TGFA: variants seen among roughly 807,000 people sequenced by gnomAD.
The protein encoded by TGFA is transforming growth factor alpha, also known as protransforming growth factor alpha.
A neutral mutation model predicts 21.7 loss-of-function variants in TGFA; 12 were observed. That is an observed-to-expected ratio of 0.55 (90% confidence interval 0.35 to 0.90). The LOEUF (loss-of-function observed/expected upper bound fraction) is 0.90, where lower values mean the gene tolerates loss of function less well. Ranked by LOEUF, TGFA falls within the 40% of genes least tolerant of loss-of-function variation. The pLI is 0.01. For missense variants in TGFA, 178 were observed against 210.8 expected (o/e 0.84, Z 0.96); for synonymous variants, 79 against 88.1 (o/e 0.90, Z 0.58).
intron 2 of TGFA, among the ~76,000 whole-genome samples, chr2:70,510,669 T>C (rs1370302481): frequency 6.6e-6 from 1 of 152,176 alleles, no homozygotes; most frequent in Non-Finnish European, 1.5e-5. Flanking sequence ...CCCACTCAAA[T>C]TGTCTGAGAA....
rs782607559 is a variant in TGFA, at chr2:70,450,695, T to G, written c.*164A>C. 3.8e-5 allele frequency: 27 copies of G among 705,190 alleles called. No individual in the cohort carries two copies. The highest frequency in any genetic ancestry group is 6.6e-5 in the Non-Finnish European group (27 of 407,614). The allele number at this position is 705,190 out of a possible 1,614,324, so 43.7% of individuals were successfully genotyped here. ...ACTGAATAACCCCAAGCAGACGGAG[T>G]TCTTGACAGAGTTTTGAAGGCCCAC... On this transcript the variant is annotated 3_prime_UTR_variant, in exon 6 of 6. Transcript: ENST00000295400.
chr2:70,478,625 A>G (rs1671009570), intron 2 of TGFA, among the ~76,000 whole-genome samples: 1 of 152,236 alleles, frequency 6.6e-6, no homozygotes, highest in African/African-American at 2.4e-5. Flanking sequence ...ACAACTTTTT[A>G]TAACAGCCCC....
intron 2 of TGFA, among the ~76,000 whole-genome samples, chr2:70,471,163 G>A (rs1346064071): frequency 1.4e-5 from 2 of 143,460 alleles, no homozygotes; most frequent in South Asian, 4.3e-4. Context: ...ATTCAAGTTC[G>A]AGGTTCTTTG....
rs543281096 is a variant in TGFA, at chr2:70,522,646, GC to G, written c.41-7735del. Among the ~76,000 whole-genome samples the G allele has an allele frequency of 2.6e-5, 4 of 152,220 alleles. No individual in the cohort carries two copies. The South Asian group carries it at 8.3e-4, about 32-fold the overall frequency. ...GACGAGGTTTCACCATGTTGGCCAG[GC>G]TGGTCTTAAACTCCCGACCTTAAGT... On this transcript the variant is annotated intron_variant, in intron 1 of 5. Transcript: ENST00000295400.
chr2:70,490,689 G>T (rs1439060191), intron 2 of TGFA, among the ~76,000 whole-genome samples: 1 of 152,142 alleles, frequency 6.6e-6, no homozygotes, highest in African/African-American at 2.4e-5. Context: ...GTATGAATTG[G>T]TCTCTCTCTA....
At chr2:70,503,311 A>C (rs1238395704) in intron 2 of TGFA, among the ~76,000 whole-genome samples, 1 of 151,984 alleles carries the variant, frequency 6.6e-6, no homozygotes, top group Non-Finnish European at 1.5e-5. Context: ...GTTCTCAGCA[A>C]ACTATCACAA....
rs1401737650 is a variant in TGFA at position 70,449,958 on chromosome 2, GC to G, written c.*900del. ...GGGACAGATCCCTGCTGATGGATTT[GC>G]TAAGTTTTCTCCCAGAACGTATTGA... is the stretch of plus-strand genomic sequence containing the variant. On this transcript the variant is annotated 3_prime_UTR_variant, in exon 6 of 6. Transcript: ENST00000295400. The G allele has an allele frequency of 1.3e-5, 2 of 152,350 alleles. No homozygotes were observed. The highest frequency in any genetic ancestry group is 1.3e-4 in the Admixed American group (2 of 15,290). 9.4% of individuals were successfully genotyped at this position (152,350 alleles called of 1,614,324 possible).
chr2:70,540,859 C>T (rs1673113518), intron 1 of TGFA, among the ~76,000 whole-genome samples: 1 of 152,056 alleles, frequency 6.6e-6, no homozygotes, highest in Non-Finnish European at 1.5e-5. Flanking sequence ...AAACAGGTAA[C>T]TCACAAGAAA....
chr2:70,505,063 T>C (rs35476422), intron 2 of TGFA, among the ~76,000 whole-genome samples: 16,015 of 152,234 alleles, frequency 0.11, 1,195 homozygotes, highest in Admixed American at 0.23. Context: ...ATATAGGGAG[T>C]ACTCTATAAG....
chr2:70,460,061 G>T (rs1574070224), intron 3 of TGFA, among the ~76,000 whole-genome samples: 1 of 152,162 alleles, frequency 6.6e-6, no homozygotes, highest in Non-Finnish European at 1.5e-5. Flanking sequence ...TTAAAGAAAG[G>T]GCCAAAAGGT....
At chr2:70,467,417 C>T (rs1415159724) in intron 2 of TGFA, 1 of 152,160 alleles carries the variant, frequency 6.6e-6, no homozygotes, top group Non-Finnish European at 1.5e-5. Flanking sequence ...CCCTGGCTTT[C>T]AGACAGGAAT....
Position 70,449,461 on chromosome 2 carries a change from C to A in TGFA, c.*1398G>T, listed in dbSNP as rs1553489234. 1.3e-5 allele frequency: 2 copies of A among 158,868 alleles called. No individual in the cohort carries two copies. Among genetic ancestry groups the A allele is most frequent in the Non-Finnish European group, 2.8e-5 (2 of 70,668 alleles). The allele number at this position is 158,868 out of a possible 1,614,324, so 9.8% of individuals were successfully genotyped here. A position where few individuals can be genotyped will look rare whatever the true frequency, so the allele number is the denominator to read the frequency against. On this transcript the variant is annotated 3_prime_UTR_variant, in exon 6 of 6. Coordinates refer to ENST00000295400, the MANE Select transcript of TGFA (RefSeq NM_003236.4). Reference sequence around the variant, plus strand: ...ATGAAAATTCCTAGGGATGAGCTATCCACTATGTATTTGAAGGGACCCACT... The same window carrying A: ...ATGAAAATTCCTAGGGATGAGCTATACACTATGTATTTGAAGGGACCCACT...
At chr2:70,492,158 A>C in intron 2 of TGFA, among the ~76,000 whole-genome samples, 1 of 152,138 alleles carries the variant, frequency 6.6e-6, no homozygotes, top group Non-Finnish European at 1.5e-5. Context: ...ATATAGACAA[A>C]ACTTTGGGAC....
chr2:70,487,111 TAA>T (rs1328112108), intron 2 of TGFA, among the ~76,000 whole-genome samples: 2 of 152,204 alleles, frequency 1.3e-5, no homozygotes, highest in Non-Finnish European at 2.9e-5. Flanking sequence ...AATACATGTT[TAA>T]GAGAGAAAAC....
intron 1 of TGFA, among the ~76,000 whole-genome samples, chr2:70,527,265 G>A (rs1287018580): frequency 1.3e-5 from 2 of 152,170 alleles, no homozygotes; most frequent in Non-Finnish European, 2.9e-5. Context: ...ATATTATACA[G>A]CAATGAAAAT....
intron 1 of TGFA, among the ~76,000 whole-genome samples, chr2:70,538,019 C>A (rs1553504703): frequency 6.6e-6 from 1 of 152,156 alleles, no homozygotes; most frequent in African/African-American, 2.4e-5. Flanking sequence ...TAGGTTGAAG[C>A]CAATGTTCAT....
In TGFA at chr2:70,546,415, A is replaced by G. The variant is rs115323338; in HGVS notation, c.40+7313T>C. 6.3e-3 allele frequency among the ~76,000 whole-genome samples: 966 copies of G among 152,226 alleles called. 12 individuals are homozygous for G. The highest frequency in any genetic ancestry group is 0.022 in the African/African-American group (925 of 41,526). The stretch of plus-strand genomic sequence containing the variant: ...TGGGGTACAATTCATTGTTACCCAG[A>G]TAGTAAGAATGGTGCCCAATAGACA... On this transcript the variant is annotated intron_variant, in intron 1 of 5. Coordinates refer to ENST00000295400, the MANE Select transcript of TGFA (RefSeq NM_003236.4).
chr2:70,537,232 C>G (rs1673000102), intron 1 of TGFA, among the ~76,000 whole-genome samples: 3 of 152,118 alleles, frequency 2.0e-5, no homozygotes, highest in Admixed American at 1.3e-4. Flanking sequence ...AGTCAGAACA[C>G]ACATTTATCA....
Position 70,465,831 on chromosome 2 carries a change from G to A in TGFA, c.95-95C>T. ...TACCAGTCAAGAAGGTGGAGCCCCT[G>A]ATGGCTGGGACTTTGGGTTCTCACC... On this transcript the variant is annotated intron_variant, in intron 2 of 5. Coordinates refer to ENST00000295400, the MANE Select transcript of TGFA (RefSeq NM_003236.4). The A allele has an allele frequency of 7.8e-6, 12 of 1,545,696 alleles. No individual in the cohort carries two copies. In the South Asian group the frequency reaches 1.5e-4, roughly 19 times the overall value.
Sources: gnomAD v4.1 joint callset for allele counts (sites outside exome capture counted in the v4.1 genomes callset) on GRCh38, gnomAD v4.1.1 for gene constraint, MANE v1.5 for transcripts, NCBI Gene and HGNC (gene_info 2026-07-23, HGNC 2026-07-21) for gene names.